Variants in OPCML observed in about 807,000 individuals in gnomAD.
The protein encoded by OPCML is opioid binding protein/cell adhesion molecule like.
In OPCML, 13 loss-of-function variants were observed where a neutral mutation model predicts 37.8. That is an observed-to-expected ratio of 0.34 (90% CI 0.22 to 0.55). The LOEUF is 0.55. Ranked by LOEUF, OPCML falls within the 20% of genes least tolerant of loss-of-function variation. The pLI, the probability that OPCML is intolerant of heterozygous loss-of-function variation, is 0.91. For synonymous variants in OPCML, 176 were observed against 168.8 expected, an observed-to-expected ratio of 1.04 and a Z score of -0.33; for missense variants, 341 against 435.6, an observed-to-expected ratio of 0.78 and a Z score of 1.93.
chr11:133,051,231 C>T (rs931531444), intron 1 of OPCML, among the ~76,000 whole-genome samples: 7 of 152,170 alleles, frequency 4.6e-5, no homozygotes, highest in Non-Finnish European at 1.0e-4. Context: ...CTGTGCCAAG[C>T]ACTGTTTAAA....
At chr11:132,436,357 A>G in intron 6 of OPCML, 120 bp from the exon 7 acceptor site, 2 of 1,574,780 alleles carry the variant, frequency 1.3e-6, no homozygotes, top group Non-Finnish European at 8.5e-7. Context: ...TCAGTGTCCA[A>G]CAGGAGGAGA....
At chr11:132,701,167 G>A (rs1313295372) in intron 2 of OPCML, among the ~76,000 whole-genome samples, 4 of 152,194 alleles carry the variant, frequency 2.6e-5, no homozygotes, top group Non-Finnish European at 5.9e-5. Context: ...CAATCATGGT[G>A]GAAGACAAAG....
chr11:132,588,115 G>A (rs966494488), intron 3 of OPCML, among the ~76,000 whole-genome samples: 2 of 152,084 alleles, frequency 1.3e-5, no homozygotes, highest in Non-Finnish European at 2.9e-5. Context: ...CATTGATAGC[G>A]ACAATTGATT....
intron 2 of OPCML, among the ~76,000 whole-genome samples, chr11:132,730,960 A>G (rs1192456799): frequency 1.3e-5 from 2 of 152,166 alleles, no homozygotes; most frequent in Non-Finnish European, 2.9e-5. Context: ...ACAGCTCTTG[A>G]TGTAAGAAAA....
intron 1 of OPCML, among the ~76,000 whole-genome samples, chr11:133,251,098 T>A (rs1156344866): frequency 1.3e-5 from 2 of 152,238 alleles, no homozygotes; most frequent in East Asian, 3.9e-4. Context: ...CATGTTTATA[T>A]AGGGAATTCC....
At chr11:132,921,476 C>T (rs186628056) in intron 2 of OPCML, among the ~76,000 whole-genome samples, 10 of 152,344 alleles carry the variant, frequency 6.6e-5, no homozygotes, top group Admixed American at 3.9e-4. Context: ...TGGCATGGGG[C>T]TTGTGGACAT....
At chr11:132,525,334 T>G (rs1261347860) in intron 4 of OPCML, among the ~76,000 whole-genome samples, 2 of 152,234 alleles carry the variant, frequency 1.3e-5, no homozygotes, top group Non-Finnish European at 2.9e-5. Flanking sequence ...TTTTAATTTT[T>G]AATAACTGCT....
intron 4 of OPCML, among the ~76,000 whole-genome samples, chr11:132,520,686 G>GTA (rs1275700286): frequency 6.8e-6 from 1 of 146,394 alleles, no homozygotes; most frequent in South Asian, 2.1e-4. Flanking sequence ...GTGTGTGTGT[G>GTA]TGTGTGTGTG....
intron 1 of OPCML, chr11:133,025,048 T>G: frequency 1.0e-6 from 1 of 953,750 alleles, no homozygotes; most frequent in Non-Finnish European, 1.2e-6. Flanking sequence ...TCTAGGCTGA[T>G]GTGCTGAGGT....
chr11:132,461,786 G>A (rs2096102711), intron 4 of OPCML, among the ~76,000 whole-genome samples: 1 of 152,140 alleles, frequency 6.6e-6, no homozygotes, highest in Non-Finnish European at 1.5e-5. Context: ...AAGGAAACAT[G>A]TCCTTCTTCA....
At chr11:133,439,410 T>C (rs775189059) in intron 1 of OPCML, 190 of 985,088 alleles carry the variant, frequency 1.9e-4, no homozygotes, top group Non-Finnish European at 2.3e-4. Flanking sequence ...TTTCAGGGAA[T>C]AGGAAATGCT....
intron 1 of OPCML, among the ~76,000 whole-genome samples, chr11:133,022,925 T>C (rs959074778): frequency 1.3e-5 from 2 of 152,202 alleles, no homozygotes; most frequent in Non-Finnish European, 2.9e-5. Flanking sequence ...GGGCTCTTGC[T>C]AGCAATACAG....
At chr11:132,687,102 T>G (rs1209958892) in intron 2 of OPCML, among the ~76,000 whole-genome samples, 1 of 151,996 alleles carries the variant, frequency 6.6e-6, no homozygotes, top group Non-Finnish European at 1.5e-5. Context: ...ATGTAGGCAC[T>G]TGACAAACAC....
chr11:133,509,904 G>C (rs1400203021), intron 1 of OPCML, among the ~76,000 whole-genome samples: 1 of 152,176 alleles, frequency 6.6e-6, no homozygotes, highest in Non-Finnish European at 1.5e-5. Context: ...TCTTCTTAAA[G>C]GCTTTGGGGG....
rs551071676 is a variant in OPCML, at chr11:133,511,297, C to T, written c.61+20967G>A. Among the ~76,000 whole-genome samples the T allele has an allele frequency of 5.9e-5, 9 of 152,284 alleles. No individual in the cohort carries two copies. In the South Asian group the frequency reaches 1.0e-3, roughly 18 times the overall value. ...AACCAGAATGTTCTTTTAAACAAAGCGAGTCCTGCTACTCCTCTGCTAAAA... is the reference window on the plus strand; with the variant it reads ...AACCAGAATGTTCTTTTAAACAAAGTGAGTCCTGCTACTCCTCTGCTAAAA... On this transcript the variant is annotated intron_variant, in intron 1 of 7. Transcript: ENST00000524381.
chr11:132,464,237 A>C (rs1049023318), intron 4 of OPCML, among the ~76,000 whole-genome samples: 6 of 152,122 alleles, frequency 3.9e-5, no homozygotes, highest in Admixed American at 3.3e-4. Context: ...TCTGTCTGGA[A>C]GTTATCACCA....
At chr11:132,572,861 A>G (rs1421136126) in intron 3 of OPCML, among the ~76,000 whole-genome samples, 23 of 151,914 alleles carry the variant, frequency 1.5e-4, no homozygotes, top group Non-Finnish European at 1.5e-4. Flanking sequence ...TTTTAACAAT[A>G]TTGTCTTCCA....
intron 2 of OPCML, among the ~76,000 whole-genome samples, chr11:132,690,654 G>A (rs1943363051): frequency 6.6e-6 from 1 of 152,130 alleles, no homozygotes; most frequent in South Asian, 2.1e-4. Flanking sequence ...TTCAAACATG[G>A]GATGTTTGAG....
In OPCML at chr11:133,208,011, A is replaced by T. The variant is rs1476663268; in HGVS notation, c.62-265001T>A. ...TTAGCACCTCTACGCTTTGTAATTA[A>T]GAACTCAAACTGCATTTAACCACCC... is the stretch of plus-strand genomic sequence containing the variant. On this transcript the variant is annotated intron_variant, in intron 1 of 7. Transcript: ENST00000524381. This position sits in a 1 kb window ranked among gnomAD's most constrained non-coding sequence, Gnocchi z 8.9. 6.6e-6 allele frequency among the ~76,000 whole-genome samples: 1 copy of T among 152,158 alleles called. No homozygotes were observed. Among genetic ancestry groups the T allele is most frequent in the African/African-American group, 2.4e-5 (1 of 41,426 alleles).
Sources: allele counts gnomAD v4.1 joint callset (sites outside exome capture counted in the v4.1 genomes callset), GRCh38; gene constraint gnomAD v4.1.1; non-coding constraint Gnocchi (gnomAD v3.1); transcripts MANE v1.5; gene names NCBI Gene and HGNC (gene_info 2026-07-23, HGNC 2026-07-21).